Variants in CCDC91 observed in about 807,000 individuals in gnomAD.
CCDC91 encodes the protein coiled-coil domain containing 91, also known as coiled-coil domain-containing protein 91.
A neutral mutation model predicts 63.2 loss-of-function variants in CCDC91; 48 were observed. The ratio of observed to expected loss-of-function variants is 0.76; its 90% CI spans 0.60 to 0.97. CCDC91 has a LOEUF of 0.97. Ranked by LOEUF, CCDC91 falls within the 50% of genes least tolerant of loss-of-function variation. The pLI, the probability that CCDC91 is intolerant of heterozygous loss-of-function variation, is 0.00. For synonymous variants in CCDC91, 167 were observed against 165.8 expected (o/e 1.01, Z -0.06); for missense variants, 500 against 494.6 (o/e 1.01, Z -0.10).
chr12:28,534,415 G>GTGAAGTTCTTCAAATAGTAA (rs1941988405), intron 12 of CCDC91, among the ~76,000 whole-genome samples: 1 of 152,122 alleles, frequency 6.6e-6, no homozygotes, highest in Non-Finnish European at 1.5e-5. Flanking sequence ...ACCTTGTAGA[G>GTGAAGTTCTTCAAATAGTAA]GGAGCATCAA....
intron 6 of CCDC91, among the ~76,000 whole-genome samples, chr12:28,335,316 G>T (rs571357185): frequency 1.9e-4 from 24 of 124,564 alleles, no homozygotes; most frequent in Admixed American, 5.2e-4. Context: ...TACATATTAT[G>T]TATAATATAA....
chr12:28,263,342 A>G (rs1347269967), intron 3 of CCDC91, among the ~76,000 whole-genome samples: 1 of 151,990 alleles, frequency 6.6e-6, no homozygotes, highest in Non-Finnish European at 1.5e-5. Flanking sequence ...GTATCCAGCA[A>G]ACAACTCCCC....
chr12:28,437,268 A>G (rs1948959694), intron 8 of CCDC91, among the ~76,000 whole-genome samples: 1 of 152,040 alleles, frequency 6.6e-6, no homozygotes, highest in Non-Finnish European at 1.5e-5. Flanking sequence ...ACATTTTATA[A>G]ACATATATCT....
At chr12:28,438,121 G>A (rs759131954) in intron 8 of CCDC91, among the ~76,000 whole-genome samples, 1 of 152,116 alleles carries the variant, frequency 6.6e-6, no homozygotes, top group Non-Finnish European at 1.5e-5. Context: ...GTTTGCAAGT[G>A]TGCATTAATC....
At chr12:28,271,808 T>TTATTATGC (rs1452034906) in intron 3 of CCDC91, among the ~76,000 whole-genome samples, 9 of 151,216 alleles carry the variant, frequency 6.0e-5, no homozygotes, top group Non-Finnish European at 1.2e-4. Flanking sequence ...TATTCTTTTG[T>TTATTATGC]TATTATGCTA....
At chr12:28,410,083 T>A (rs1947224103) in intron 8 of CCDC91, among the ~76,000 whole-genome samples, 1 of 152,196 alleles carries the variant, frequency 6.6e-6, no homozygotes, top group African/African-American at 2.4e-5. Flanking sequence ...TTGTTACTAA[T>A]TTCCTGTGTA....
chr12:28,214,225 A>C (rs1435669683), intron 1 of CCDC91, among the ~76,000 whole-genome samples: 1 of 152,182 alleles, frequency 6.6e-6, no homozygotes, highest in Non-Finnish European at 1.5e-5. Flanking sequence ...TAGGCAAAGA[A>C]GAGAGTTACT....
rs1174281343 is a variant in CCDC91, at chr12:28,411,461, G to A, written c.762+20050G>A. Among the ~76,000 whole-genome samples the A allele has an allele frequency of 5.3e-5, 8 of 152,154 alleles. No individual in the cohort carries two copies. The East Asian group carries it at 1.3e-3, about 26-fold the overall frequency. On this transcript the variant is annotated intron_variant, in intron 8 of 12. Coordinates refer to ENST00000536442, the MANE Select transcript of CCDC91 (RefSeq NM_018318.5). ...TCAAGATTTAACAGATGATTTTATTGTGAGATATATGCTCCAGATCTATTA... is the reference window on the plus strand; with the variant it reads ...TCAAGATTTAACAGATGATTTTATTATGAGATATATGCTCCAGATCTATTA...
chr12:28,494,694 A>G (rs1952188664), intron 12 of CCDC91, among the ~76,000 whole-genome samples: 1 of 151,692 alleles, frequency 6.6e-6, no homozygotes. Context: ...TAACCCTAAG[A>G]TGAAATGGTT....
At chr12:28,339,742 G>T (rs1249059995) in intron 6 of CCDC91, among the ~76,000 whole-genome samples, 1 of 152,088 alleles carries the variant, frequency 6.6e-6, no homozygotes, top group African/African-American at 2.4e-5. Context: ...CATGGATACT[G>T]ACAGACAACT....
At chr12:28,378,264 G>A (rs1459339338) in intron 7 of CCDC91, among the ~76,000 whole-genome samples, 3 of 151,990 alleles carry the variant, frequency 2.0e-5, no homozygotes, top group Non-Finnish European at 2.9e-5. Context: ...AATACTTTTT[G>A]TTAAGGATTG....
chr12:28,303,924 A>G (rs1938360856), intron 3 of CCDC91, among the ~76,000 whole-genome samples: 1 of 152,126 alleles, frequency 6.6e-6, no homozygotes, highest in Non-Finnish European at 1.5e-5. Flanking sequence ...GTTGTAAATT[A>G]TGATACAGAA....
chr12:28,320,217 G>A (rs2137394532), intron 6 of CCDC91, among the ~76,000 whole-genome samples: 1 of 151,878 alleles, frequency 6.6e-6, no homozygotes, highest in East Asian at 1.9e-4. Flanking sequence ...TTTATTTACG[G>A]TTACTCCATA....
intron 6 of CCDC91, among the ~76,000 whole-genome samples, chr12:28,325,885 A>T (rs1438660740): frequency 6.6e-5 from 10 of 152,092 alleles, no homozygotes; most frequent in Non-Finnish European, 1.0e-4. Flanking sequence ...TTTATATTTT[A>T]AAAAATGTAT....
intron 1 of CCDC91, among the ~76,000 whole-genome samples, chr12:28,202,162 A>G (rs1344356949): frequency 2.0e-5 from 3 of 152,192 alleles, no homozygotes; most frequent in Non-Finnish European, 1.5e-5. Context: ...TATTGTTATC[A>G]TACTTCATAT....
At chr12:28,412,071 T>C (rs1947352882) in intron 8 of CCDC91, among the ~76,000 whole-genome samples, 1 of 152,164 alleles carries the variant, frequency 6.6e-6, no homozygotes, top group South Asian at 2.1e-4. Flanking sequence ...AGTTGCCCAG[T>C]GTATTTAGTA....
intron 7 of CCDC91, among the ~76,000 whole-genome samples, chr12:28,385,028 A>C (rs1342850280): frequency 2.6e-5 from 4 of 152,144 alleles, no homozygotes; most frequent in African/African-American, 9.7e-5. Context: ...CAGAAAAAAA[A>C]CATAAAAATA....
At chr12:28,374,392 G>A (rs1175635043) in intron 7 of CCDC91, among the ~76,000 whole-genome samples, 1 of 151,872 alleles carries the variant, frequency 6.6e-6, no homozygotes, top group Non-Finnish European at 1.5e-5. Context: ...TTAAAATGTA[G>A]GACTGTTCTT....
At chr12:28,236,756 C>G (rs1944976376) in intron 1 of CCDC91, 2 of 151,878 alleles carry the variant, frequency 1.3e-5, no homozygotes, top group South Asian at 4.1e-4. Context: ...AATTTATTTT[C>G]ATTATGGAAT....
Sources: allele counts gnomAD v4.1 joint callset (sites outside exome capture counted in the v4.1 genomes callset), GRCh38; gene constraint gnomAD v4.1.1; transcripts MANE v1.5; gene names NCBI Gene and HGNC (gene_info 2026-07-23, HGNC 2026-07-21).